The following USP37 variants were observed in gnomAD, a reference collection of about 807,000 sequenced individuals.
USP37 encodes ubiquitin specific peptidase 37.
A neutral mutation model predicts 124.0 loss-of-function variants in USP37; 27 were observed. The observed-to-expected ratio is 0.22, with a 90% CI of 0.16 to 0.30. USP37 has a LOEUF of 0.30. Ranked by LOEUF, USP37 falls within the 10% of genes least tolerant of loss-of-function variation. USP37 has a pLI of 1.00. For synonymous variants in USP37, 365 were observed against 388.0 expected, an observed-to-expected ratio of 0.94 and a Z score of 0.70; for missense variants, 889 against 1,140.4, an observed-to-expected ratio of 0.78 and a Z score of 3.17.
intron 3 of USP37, among the ~76,000 whole-genome samples, chr2:218,560,096 G>C (rs1693233153): frequency 6.6e-6 from 1 of 152,054 alleles, no homozygotes; most frequent in South Asian, 2.1e-4. Flanking sequence ...TAAAATTACA[G>C]TTATAGCAAA....
intron 17 of USP37, 24 bp from the exon 18 acceptor site, chr2:218,479,739 TA>T: frequency 7.0e-7 from 1 of 1,436,026 alleles, no homozygotes. Context: ...AGAAAATATA[TA>T]ATGTATACAA....
In USP37 at chr2:218,548,675, T is replaced by C. The variant is rs990657856; in HGVS notation, c.429+1134A>G. On this transcript the variant is annotated intron_variant, in intron 6 of 25. Coordinates refer to ENST00000258399, the MANE Select transcript of USP37 (RefSeq NM_020935.3). ...AAGAAATATTTTACATCAAAACCTA[T>C]TATAAATATGTATAAATAAACCAAA... Among the ~76,000 whole-genome samples the C allele has an allele frequency of 2.6e-5, 4 of 152,132 alleles. No individual in the cohort carries two copies. The East Asian group carries it at 7.7e-4, about 29-fold the overall frequency.
intron 11 of USP37, among the ~76,000 whole-genome samples, chr2:218,500,500 G>A (rs1001552992): frequency 2.6e-5 from 4 of 152,038 alleles, no homozygotes; most frequent in Admixed American, 6.6e-5. Flanking sequence ...GCCCGCCTTT[G>A]CCTCCCAAAG....
At chr2:218,530,750 T>C (rs1255634794) in intron 9 of USP37, among the ~76,000 whole-genome samples, 5 of 152,082 alleles carry the variant, frequency 3.3e-5, no homozygotes, top group African/African-American at 4.8e-5. Context: ...TTGACAGAAA[T>C]TAAAAGTGCT....
Position 218,523,488 on chromosome 2 carries a change from T to G in USP37, c.863+6468A>C, listed in dbSNP as rs190641185. Among the ~76,000 whole-genome samples the G allele has an allele frequency of 6.6e-5, 10 of 152,368 alleles. No homozygotes were observed. In the East Asian group the frequency reaches 1.9e-3, roughly 29 times the overall value. On this transcript the variant is annotated intron_variant, in intron 10 of 25. Coordinates refer to ENST00000258399, the MANE Select transcript of USP37 (RefSeq NM_020935.3). ...ATCTGTTTTCTGTTACAGTTTACAT[T>G]TTATTATTGCTGGATTTAGAAACAC... is the stretch of plus-strand genomic sequence containing the variant.
At chr2:218,524,730 G>A (rs550914717) in intron 10 of USP37, among the ~76,000 whole-genome samples, 22 of 152,192 alleles carry the variant, frequency 1.4e-4, no homozygotes, top group South Asian at 2.1e-4. Context: ...CTGTCGCAGC[G>A]TCCTGAGTAG....
At chr2:218,455,744 A>T in intron 24 of USP37, 26 bp from the exon 25 acceptor site, 1 of 1,609,440 alleles carries the variant, frequency 6.2e-7, no homozygotes, top group Non-Finnish European at 8.5e-7. Context: ...TCTTAAAATC[A>T]AGGTTTTTAA....
intron 1 of USP37, among the ~76,000 whole-genome samples, chr2:218,567,416 A>C (rs183735224): frequency 6.6e-5 from 10 of 152,272 alleles, no homozygotes; most frequent in Non-Finnish European, 8.8e-5. Flanking sequence ...ATTACTATCA[A>C]TATGGCAGAT....
At chr2:218,535,144 T>G (rs1691549060) in intron 8 of USP37, among the ~76,000 whole-genome samples, 1 of 151,268 alleles carries the variant, frequency 6.6e-6, no homozygotes. Context: ...GGCGGGCAGA[T>G]CGCGAGGTCA....
At chr2:218,558,386 C>A (rs768875889) in intron 4 of USP37, 112 bp downstream of exon 4, 3 of 955,682 alleles carry the variant, frequency 3.1e-6, no homozygotes, top group Non-Finnish European at 4.4e-6. Flanking sequence ...AAATAAGAAG[C>A]AAGAAATATT....
At chr2:218,563,229 C>T (rs1693409580) in intron 1 of USP37, among the ~76,000 whole-genome samples, 1 of 149,110 alleles carries the variant, frequency 6.7e-6, no homozygotes, top group Admixed American at 6.7e-5. Context: ...TATTTAAAAA[C>T]TACAGATTAC....
chr2:218,548,743 T>C (rs1358680911), intron 6 of USP37, among the ~76,000 whole-genome samples: 1 of 152,124 alleles, frequency 6.6e-6, no homozygotes, highest in East Asian at 1.9e-4. Flanking sequence ...ATATGTACAA[T>C]ATTCTCTATT....
intron 20 of USP37, among the ~76,000 whole-genome samples, chr2:218,470,767 C>T (rs1157371404): frequency 2.0e-5 from 3 of 152,182 alleles, no homozygotes; most frequent in Non-Finnish European, 4.4e-5. Context: ...CCTTACTTTG[C>T]CTTCCTGCCC....
Position 218,471,119 on chromosome 2 carries a change from A to G in USP37, c.2299+3511T>C, listed in dbSNP as rs549564552. Among the ~76,000 whole-genome samples, 3 of 152,344 alleles carry G rather than the reference A, an allele frequency of 2.0e-5. No individual in the cohort carries two copies. In the East Asian group the frequency reaches 5.8e-4, roughly 29 times the overall value. ...TGAGTTTGAGGAAAGTCCACGGAAC[A>G]CAGTTTTGTGATTTTCTTTAGCAAT... On this transcript the variant is annotated intron_variant, in intron 20 of 25. Coordinates refer to ENST00000258399, the MANE Select transcript of USP37 (RefSeq NM_020935.3).
intron 18 of USP37, among the ~76,000 whole-genome samples, chr2:218,478,739 G>GC (rs1489704090): frequency 8.5e-5 from 13 of 152,156 alleles, no homozygotes; most frequent in African/African-American, 3.1e-4. Flanking sequence ...TCCTGTAAAT[G>GC]CATCACTTGC....
At chr2:218,497,538 C>T (rs1286011375) in intron 13 of USP37, among the ~76,000 whole-genome samples, 196 bp downstream of exon 13, 3 of 151,486 alleles carry the variant, frequency 2.0e-5, no homozygotes, top group African/African-American at 4.9e-5. Context: ...GGATTACAGG[C>T]GCATGCCACC....
chr2:218,548,845 C>T, intron 6 of USP37, among the ~76,000 whole-genome samples: 1 of 152,128 alleles, frequency 6.6e-6, no homozygotes, highest in East Asian at 1.9e-4. Flanking sequence ...CTTGTGAAAG[C>T]ATAAATACTT....
Position 218,488,417 on chromosome 2 carries a change from C to T in USP37, c.1477G>A (p.Gly493Arg). 6.3e-7 allele frequency: 1 copy of T among 1,585,218 alleles called. No homozygotes were observed. Among genetic ancestry groups the T allele is most frequent in the Admixed American group, 1.8e-5 (1 of 55,000 alleles). The change falls in exon 15 of 26, where the codon GGA (glycine) becomes AGA (arginine). Residue 493 changes from glycine to arginine, a missense_variant. Gly to Arg is a moderately radical substitution (Grantham distance 125). Around this residue, in one of 3 missense-constraint regions of USP37, gnomAD observed 504 missense variants for 714.3 expected, o/e 0.71. Transcript: ENST00000258399. ...TGTTCTCTTTTGGGGATAATCTCTC[C>T]ACATCTGTAAGAATAAAATGAGACA... ...VQHSIICKAC[G>R]EIIPKREQFN...
rs2106044438 is a variant in USP37, at chr2:218,546,946, G to A, written c.575C>T (p.Pro192Leu). Residue 192 changes from proline (P) to leucine (L), a missense_variant, in exon 7 of 26, where the codon CCT becomes CTT. Physicochemically the swap from Pro to Leu is moderately conservative, Grantham distance 98 (BLOSUM62 -3). Transcript: ENST00000258399. ...TIPSLTSTST[P>L]LRSGLLENRT... is the part of the protein sequence containing the mutation. Reference sequence around the variant, plus strand: ...ATTTTCTAGCAACCCTGATCTAAGAGGTGTTGAAGTAGATGTCAAAGAAGG... The same window carrying A: ...ATTTTCTAGCAACCCTGATCTAAGAAGTGTTGAAGTAGATGTCAAAGAAGG... The A allele has an allele frequency of 6.2e-7, 1 of 1,611,968 alleles. No homozygotes were observed. The highest frequency in any genetic ancestry group is 8.5e-7 in the Non-Finnish European group (1 of 1,179,516).
Sources: gnomAD v4.1 joint callset for allele counts (sites outside exome capture counted in the v4.1 genomes callset) on GRCh38, gnomAD v4.1.1 for gene constraint, gnomAD v4.1.1 regional missense constraint, MANE v1.5 for transcripts, NCBI Gene and HGNC (gene_info 2026-07-23, HGNC 2026-07-21) for gene names.